The following ARHGAP15 variants were observed in gnomAD, a reference collection of about 807,000 sequenced individuals.
ARHGAP15 encodes rho GTPase-activating protein 15.
A neutral mutation model predicts 63.7 loss-of-function variants in ARHGAP15; 51 were observed. The observed-to-expected ratio is 0.80, with a 90% CI of 0.64 to 1.01. ARHGAP15 has a LOEUF of 1.01. ARHGAP15 is among the 50% of genes least tolerant of loss of function. The pLI is 0.00. For synonymous variants in ARHGAP15, 191 were observed against 193.8 expected (o/e 0.99, Z 0.12); for missense variants, 560 against 564.6 (o/e 0.99, Z 0.08).
intron 6 of ARHGAP15, among the ~76,000 whole-genome samples, chr2:143,337,614 T>G (rs1291297113): frequency 1.3e-5 from 2 of 152,162 alleles, no homozygotes; most frequent in Admixed American, 1.3e-4. Flanking sequence ...TTTTCAGGGA[T>G]TTTTAGGAAT....
chr2:143,307,605 C>A (rs944491891), intron 6 of ARHGAP15, among the ~76,000 whole-genome samples: 1 of 151,834 alleles, frequency 6.6e-6, no homozygotes, highest in African/African-American at 2.4e-5. Context: ...AGAGGTTGAT[C>A]TGGAGGTAAC....
chr2:143,523,451 T>C (rs1337385231), intron 10 of ARHGAP15, among the ~76,000 whole-genome samples: 1 of 152,160 alleles, frequency 6.6e-6, no homozygotes, highest in African/African-American at 2.4e-5. Flanking sequence ...TTTTGCAAGT[T>C]ATTTTCTTAA....
At chr2:143,639,511 G>T (rs1680504237) in intron 12 of ARHGAP15, among the ~76,000 whole-genome samples, 1 of 152,072 alleles carries the variant, frequency 6.6e-6, no homozygotes, top group South Asian at 2.1e-4. Context: ...TTTTAGGAAT[G>T]TTAGCTAAGA....
intron 13 of ARHGAP15, among the ~76,000 whole-genome samples, chr2:143,714,990 G>A (rs1218979195): frequency 6.6e-6 from 1 of 151,986 alleles, no homozygotes; most frequent in African/African-American, 2.4e-5. Context: ...CACATTTTTG[G>A]ATATCTTTTC....
chr2:143,198,582 A>G (rs1691981397), intron 2 of ARHGAP15, among the ~76,000 whole-genome samples: 1 of 152,198 alleles, frequency 6.6e-6, no homozygotes, highest in Admixed American at 6.6e-5. Flanking sequence ...GAAAACACTC[A>G]TCAGCTAAAA....
intron 10 of ARHGAP15, among the ~76,000 whole-genome samples, chr2:143,532,441 C>G (rs969522501): frequency 6.6e-6 from 1 of 152,154 alleles, no homozygotes; most frequent in Non-Finnish European, 1.5e-5. Context: ...GTTTTCCATT[C>G]AAATTCTTTT....
intron 11 of ARHGAP15, among the ~76,000 whole-genome samples, chr2:143,567,394 A>G (rs1696272507): frequency 6.6e-6 from 1 of 152,244 alleles, no homozygotes; most frequent in Non-Finnish European, 1.5e-5. Flanking sequence ...GTTAGCCCTC[A>G]GGACCACAAC....
intron 8 of ARHGAP15, among the ~76,000 whole-genome samples, chr2:143,486,842 GT>G (rs1480903008): frequency 1.3e-5 from 2 of 152,116 alleles, no homozygotes; most frequent in South Asian, 2.1e-4. Flanking sequence ...CATAGAACTG[GT>G]AGTAATTATA....
rs1692149067 is a variant in ARHGAP15 at position 143,202,222 on chromosome 2, T to C, written c.234+20T>C. The C allele has an allele frequency of 6.3e-6, 10 of 1,581,878 alleles. No individual in the cohort carries two copies. Among genetic ancestry groups the C allele is most frequent in the South Asian group, 1.1e-5 (1 of 90,346 alleles). On this transcript the variant is annotated intron_variant, in intron 3 of 13. Coordinates refer to ENST00000295095, the MANE Select transcript of ARHGAP15 (RefSeq NM_018460.4). ...CAACTGGTGAGTGTTTAAGTCATTATATTCTTCATCTACTGATACAAAATA... is the reference window on the plus strand; with the variant it reads ...CAACTGGTGAGTGTTTAAGTCATTACATTCTTCATCTACTGATACAAAATA...
intron 10 of ARHGAP15, among the ~76,000 whole-genome samples, chr2:143,539,355 A>AG (rs1694936119): frequency 2.6e-5 from 3 of 113,212 alleles, no homozygotes; most frequent in South Asian, 2.7e-4. Flanking sequence ...GATTTTTTGA[A>AG]GGGTTTTTTG....
chr2:143,481,043 A>G (rs1692055725), intron 8 of ARHGAP15, among the ~76,000 whole-genome samples: 1 of 152,112 alleles, frequency 6.6e-6, no homozygotes, highest in South Asian at 2.1e-4. Flanking sequence ...AATCCCTATG[A>G]TGGTGTGAGA....
At chr2:143,611,363 GT>G (rs1698248738) in intron 11 of ARHGAP15, among the ~76,000 whole-genome samples, 4 of 152,150 alleles carry the variant, frequency 2.6e-5, no homozygotes, top group Admixed American at 2.6e-4. Flanking sequence ...ATAAATCAGG[GT>G]TGGAATGTTA....
At chr2:143,730,098 T>C (rs1228382916) in intron 13 of ARHGAP15, among the ~76,000 whole-genome samples, 3 of 152,192 alleles carry the variant, frequency 2.0e-5, no homozygotes, top group African/African-American at 7.2e-5. Context: ...TCAAAGAAGA[T>C]AAAGACCACC....
chr2:143,282,730 G>A (rs1459932134), intron 6 of ARHGAP15, among the ~76,000 whole-genome samples: 8 of 152,082 alleles, frequency 5.3e-5, no homozygotes, highest in Non-Finnish European at 7.4e-5. Context: ...ATAACTTGCC[G>A]GATTTCACAC....
At chr2:143,643,554 G>C (rs1680718332) in intron 12 of ARHGAP15, among the ~76,000 whole-genome samples, 1 of 151,580 alleles carries the variant, frequency 6.6e-6, no homozygotes, top group Non-Finnish European at 1.5e-5. Context: ...CCTCCTTTAT[G>C]ATAACCAGTG....
chr2:143,347,626 A>G (rs1467715645), intron 6 of ARHGAP15, among the ~76,000 whole-genome samples: 1 of 152,128 alleles, frequency 6.6e-6, no homozygotes, highest in Non-Finnish European at 1.5e-5. Context: ...AAACAGTATT[A>G]TTTATATAGA....
intron 6 of ARHGAP15, among the ~76,000 whole-genome samples, chr2:143,257,283 A>G (rs536895610): frequency 1.1e-3 from 164 of 152,280 alleles, no homozygotes; most frequent in African/African-American, 3.9e-3. Context: ...GGATGACAGT[A>G]AAGATTGAAA....
At chr2:143,151,160 A>G (rs879577007) in intron 1 of ARHGAP15, among the ~76,000 whole-genome samples, 6 of 151,966 alleles carry the variant, frequency 3.9e-5, no homozygotes, top group Non-Finnish European at 8.8e-5. Context: ...AACCACTCCT[A>G]GGTTCTGGAA....
chr2:143,350,850 A>AG (rs1179044095), intron 6 of ARHGAP15: 13 of 150,442 alleles, frequency 8.6e-5, no homozygotes, highest in Non-Finnish European at 1.9e-4. Context: ...AAAAAAAAAA[A>AG]AAAAAAAAAA....
Sources: allele counts gnomAD v4.1 joint callset (sites outside exome capture counted in the v4.1 genomes callset), GRCh38; gene constraint gnomAD v4.1.1; transcripts MANE v1.5; gene names NCBI Gene and HGNC (gene_info 2026-07-23, HGNC 2026-07-21).